DYNC2H1: variants seen among roughly 807,000 people sequenced by gnomAD.
The protein encoded by DYNC2H1 is dynein cytoplasmic 2 heavy chain 1.
In DYNC2H1, 410 loss-of-function variants were observed where a neutral mutation model predicts 570.0. That is an observed-to-expected ratio of 0.72 (90% CI 0.66 to 0.78). The LOEUF is 0.78. Among genes scored for constraint, DYNC2H1 ranks in the 30% least tolerant of loss-of-function variants. The pLI, the probability that DYNC2H1 is intolerant of heterozygous loss-of-function variation, is 0.00. For synonymous variants in DYNC2H1, 1,688 were observed against 1,677.6 expected, an observed-to-expected ratio of 1.01 and a Z score of -0.15; for missense variants, 4,865 against 5,046.4, an observed-to-expected ratio of 0.96 and a Z score of 1.09.
chr11:103,462,711 G>T (rs185300052), intron 87 of DYNC2H1, among the ~76,000 whole-genome samples: 26 of 152,290 alleles, frequency 1.7e-4, no homozygotes, highest in Admixed American at 1.3e-3. Flanking sequence ...TTCCAGCAGT[G>T]TCCAGTGACA....
At chr11:103,128,780 G>T in intron 12 of DYNC2H1, 130 bp from the exon 13 acceptor site, 1 of 686,862 alleles carries the variant, frequency 1.5e-6, no homozygotes, top group Non-Finnish European at 2.4e-6. Context: ...ATGCCCTATT[G>T]GAGATGAAAA....
At chr11:103,259,420 A>G (rs113343834) in intron 69 of DYNC2H1, among the ~76,000 whole-genome samples, 6,904 of 152,268 alleles carry the variant, frequency 0.045, 207 homozygotes, top group Non-Finnish European at 0.07. Flanking sequence ...TACAGCATCA[A>G]TTTCAAAGTT....
chr11:103,445,747 G>C (rs1470667090), intron 85 of DYNC2H1, among the ~76,000 whole-genome samples: 1 of 152,146 alleles, frequency 6.6e-6, no homozygotes, highest in Non-Finnish European at 1.5e-5. Context: ...TGCCTCCTGG[G>C]TTCACGCCAT....
Position 103,241,586 on chromosome 11 carries a change from AGT to A in DYNC2H1, c.9820-2106_9820-2105del. 6.6e-7 allele frequency: 1 copy of A among 1,507,792 alleles called. No individual in the cohort carries two copies. Among genetic ancestry groups the A allele is most frequent in the Non-Finnish European group, 9.1e-7 (1 of 1,101,128 alleles). 93.4% of individuals were successfully genotyped at this position (1,507,792 alleles called of 1,614,324 possible). On this transcript the variant is annotated intron_variant, in intron 63 of 88. Transcript: ENST00000375735. The surrounding 1 kb of genome is among the most constrained non-coding windows in gnomAD (Gnocchi z 5.1). Reference sequence around the variant, plus strand: ...AAAAATTTAAAATAATTACTTTTGTAGTTAGGCAAAATGCAGAATTGTGAAAT... The same window carrying A: ...AAAAATTTAAAATAATTACTTTTGTATAGGCAAAATGCAGAATTGTGAAAT...
intron 45 of DYNC2H1, among the ~76,000 whole-genome samples, chr11:103,190,163 C>A (rs1179585314): frequency 1.3e-5 from 2 of 152,152 alleles, no homozygotes; most frequent in South Asian, 2.1e-4. Context: ...GGCTTCAAAC[C>A]TGCAAGCAGT....
chr11:103,200,258 C>T, intron 50 of DYNC2H1, 104 bp downstream of exon 50: 1 of 847,822 alleles, frequency 1.2e-6, no homozygotes, highest in South Asian at 1.8e-5. Context: ...GAACTTTTGG[C>T]ATAGTTCTTA....
At chr11:103,438,153 T>C (rs1386855119) in intron 85 of DYNC2H1, among the ~76,000 whole-genome samples, 1 of 152,148 alleles carries the variant, frequency 6.6e-6, no homozygotes, top group African/African-American at 2.4e-5. Context: ...ATATGCACTA[T>C]TTCTTCCACA....
chr11:103,276,018 C>T (rs925964506), intron 70 of DYNC2H1, among the ~76,000 whole-genome samples: 1 of 152,182 alleles, frequency 6.6e-6, no homozygotes, highest in Non-Finnish European at 1.5e-5. Context: ...AACATCCTTA[C>T]CATTATTTGG....
chr11:103,336,433 T>A (rs1315695093), intron 82 of DYNC2H1, among the ~76,000 whole-genome samples: 2 of 152,126 alleles, frequency 1.3e-5, no homozygotes, highest in Non-Finnish European at 2.9e-5. Context: ...CAACCCCTTT[T>A]TATCCTACCC....
At chr11:103,294,303 A>G (rs1307311781) in intron 75 of DYNC2H1, among the ~76,000 whole-genome samples, 1 of 152,062 alleles carries the variant, frequency 6.6e-6, no homozygotes, top group Admixed American at 6.6e-5. Context: ...GAAGAGCTAG[A>G]TATTTATTCC....
At chr11:103,292,226 C>T (rs1339840194) in intron 75 of DYNC2H1, among the ~76,000 whole-genome samples, 1 of 149,236 alleles carries the variant, frequency 6.7e-6, no homozygotes, top group African/African-American at 2.5e-5. Flanking sequence ...TATATTTTAA[C>T]TTCTTGCTTT....
At chr11:103,281,907 A>G (rs898992147) in intron 71 of DYNC2H1, among the ~76,000 whole-genome samples, 4 of 152,040 alleles carry the variant, frequency 2.6e-5, no homozygotes, top group Non-Finnish European at 5.9e-5. Flanking sequence ...TTAAGTGAAC[A>G]TGACATTTAA....
At chr11:103,141,073 T>C (rs1209945132) in intron 17 of DYNC2H1, among the ~76,000 whole-genome samples, 21 of 152,234 alleles carry the variant, frequency 1.4e-4, no homozygotes, top group Admixed American at 1.1e-3. Context: ...CTTTAAGCAC[T>C]TCTCTGTACT....
At position 103,469,533 on chromosome 11, in the gene DYNC2H1, C is replaced by T. The variant is rs141265009; in HGVS notation, c.12765+828C>T. On this transcript the variant is annotated intron_variant, in intron 88 of 88. Transcript: ENST00000375735. The stretch of plus-strand genomic sequence containing the variant: ...TGAATTTTCCAGTTATTGTCATTCT[C>T]CTTATAAAATAAAAATCAAATGCAC... Among the ~76,000 whole-genome samples the T allele has an allele frequency of 1.9e-3, 290 of 152,198 alleles. 3 individuals are homozygous for T. Among genetic ancestry groups the T allele is most frequent in the African/African-American group, 6.6e-3 (276 of 41,540 alleles).
chr11:103,274,568 A>G (rs1865836797), intron 70 of DYNC2H1, among the ~76,000 whole-genome samples: 2 of 152,184 alleles, frequency 1.3e-5, no homozygotes, highest in Non-Finnish European at 2.9e-5. Flanking sequence ...TCATCTTACT[A>G]GCTTCTCCAG....
intron 88 of DYNC2H1, among the ~76,000 whole-genome samples, chr11:103,469,017 G>A (rs1466623069): frequency 6.6e-6 from 1 of 152,186 alleles, no homozygotes; most frequent in Non-Finnish European, 1.5e-5. Context: ...TTTCAGCAAT[G>A]TGTGCTAGGT....
chr11:103,309,166 C>CTTTTTTTTTTTTTTTTTTTTTT (rs1274431520), intron 78 of DYNC2H1, among the ~76,000 whole-genome samples: 4 of 56,540 alleles, frequency 7.1e-5, no homozygotes, highest in Admixed American at 2.2e-4. Flanking sequence ...TAACTGCATG[C>CTTTTTTTTTTTTTTTTTTTTTT]TATTTTTTTT....
chr11:103,379,786 T>G (rs953598847), intron 83 of DYNC2H1, among the ~76,000 whole-genome samples: 1 of 152,172 alleles, frequency 6.6e-6, no homozygotes, highest in Non-Finnish European at 1.5e-5. Context: ...TAGCTATGCT[T>G]AACCAATAAA....
intron 78 of DYNC2H1, 83 bp downstream of exon 78, chr11:103,307,914 T>A: frequency 1.5e-6 from 1 of 646,994 alleles, no homozygotes; most frequent in Non-Finnish European, 2.5e-6. Flanking sequence ...AAACAACTAT[T>A]ATACAGAACA....
Sources: allele counts gnomAD v4.1 joint callset (sites outside exome capture counted in the v4.1 genomes callset), GRCh38; gene constraint gnomAD v4.1.1; non-coding constraint Gnocchi (gnomAD v3.1); transcripts MANE v1.5; gene names NCBI Gene and HGNC (gene_info 2026-07-23, HGNC 2026-07-21).